CCSER1: variants seen among roughly 807,000 people sequenced by gnomAD.
CCSER1 encodes serine-rich coiled-coil domain-containing protein 1.
In CCSER1, 41 loss-of-function variants were observed where a neutral mutation model predicts 82.0. That is an observed-to-expected ratio of 0.50 (90% CI 0.39 to 0.65). The LOEUF is 0.65. Among genes scored for constraint, CCSER1 ranks in the 30% least tolerant of loss-of-function variants. The pLI, the probability that CCSER1 is intolerant of heterozygous loss-of-function variation, is 0.00. For synonymous variants in CCSER1, 414 were observed against 383.9 expected (o/e 1.08, Z -0.92); for missense variants, 1,119 against 1,064.2 (o/e 1.05, Z -0.72).
At chr4:90,781,658 G>A (rs1400711276) in intron 7 of CCSER1, 12 of 972,398 alleles carry the variant, frequency 1.2e-5, no homozygotes, top group African/African-American at 1.8e-5. Context: ...AGCTTTACAT[G>A]TATTAAGCAA....
chr4:90,372,820 C>T (rs542629348), intron 3 of CCSER1, among the ~76,000 whole-genome samples: 49 of 151,854 alleles, frequency 3.2e-4, no homozygotes, highest in African/African-American at 1.1e-3. Flanking sequence ...TGTCAATAGC[C>T]TGGGAATCAA....
chr4:90,507,791 T>C (rs948441023), intron 5 of CCSER1, among the ~76,000 whole-genome samples: 1 of 152,118 alleles, frequency 6.6e-6, no homozygotes, highest in African/African-American at 2.4e-5. Flanking sequence ...TTTCGATGAT[T>C]ACTTTGAATT....
rs559595059 is a variant in CCSER1 at position 91,260,499 on chromosome 4, C to G, written c.2217+174505C>G. Among the ~76,000 whole-genome samples, 5 of 152,282 alleles carry G rather than the reference C, an allele frequency of 3.3e-5. No homozygotes were observed. In the South Asian group the frequency reaches 1.0e-3, roughly 32 times the overall value. ...CCACTGTATAGATGAAGCAACCAAACCATAGACAGATTAGCTGGCAGACAC... is the reference window on the plus strand; with the variant it reads ...CCACTGTATAGATGAAGCAACCAAAGCATAGACAGATTAGCTGGCAGACAC... On this transcript the variant is annotated intron_variant, in intron 10 of 10. Transcript: ENST00000509176.
chr4:90,308,813 A>G lies in CCSER1; in HGVS notation c.529A>G (p.Thr177Ala), dbSNP rs1421177709. 2.5e-6 allele frequency: 4 copies of G among 1,613,712 alleles called. No individual in the cohort carries two copies. The highest frequency in any genetic ancestry group is 2.2e-5 in the East Asian group (1 of 44,886). Residue 177 changes from threonine to alanine, a missense_variant, in exon 2 of 11, where the codon ACA (threonine) becomes GCA (alanine). By Grantham distance (58) the Thr-to-Ala change is moderately conservative. Transcript: ENST00000509176. ...DQTRRSVKQS[T>A]RKLLPKSFSS... ...AACTCGTCGTTCTGTTAAGCAGTCA[A>G]CAAGGAAGCTACTCCCTAAATCTTT...
chr4:90,697,178 TGAA>T (rs1310672143), intron 6 of CCSER1, among the ~76,000 whole-genome samples: 7 of 152,294 alleles, frequency 4.6e-5, no homozygotes, highest in Admixed American at 1.3e-4. Flanking sequence ...GGATACATTT[TGAA>T]AATACAGATT....
intron 10 of CCSER1, among the ~76,000 whole-genome samples, chr4:91,255,692 A>T (rs1248511676): frequency 6.6e-6 from 1 of 152,202 alleles, no homozygotes; most frequent in Non-Finnish European, 1.5e-5. Context: ...TCTCCAAATT[A>T]ATACTTTTAT....
chr4:91,126,462 T>C (rs1727528050), intron 10 of CCSER1, among the ~76,000 whole-genome samples: 2 of 151,918 alleles, frequency 1.3e-5, no homozygotes, highest in Admixed American at 6.6e-5. Context: ...TTTCCAAATA[T>C]GTGTCAGTGT....
chr4:91,154,202 C>T (rs1581662243), intron 10 of CCSER1, among the ~76,000 whole-genome samples: 1 of 152,042 alleles, frequency 6.6e-6, no homozygotes, highest in Non-Finnish European at 1.5e-5. Flanking sequence ...ACTCAAGCCT[C>T]AGGTATGGCA....
chr4:90,150,710 C>A (rs1053281309), intron 1 of CCSER1, among the ~76,000 whole-genome samples: 2 of 152,000 alleles, frequency 1.3e-5, no homozygotes, highest in African/African-American at 2.4e-5. Context: ...AGAAGAAAAA[C>A]CAATGCTTTA....
At chr4:90,879,736 C>G (rs1340859820) in intron 8 of CCSER1, among the ~76,000 whole-genome samples, 1 of 152,096 alleles carries the variant, frequency 6.6e-6, no homozygotes, top group African/African-American at 2.4e-5. Flanking sequence ...TATTGGAGAA[C>G]TGGTGCAGTT....
chr4:90,791,282 TA>T (rs1475300398), intron 7 of CCSER1, among the ~76,000 whole-genome samples: 9 of 152,166 alleles, frequency 5.9e-5, no homozygotes, highest in African/African-American at 2.2e-4. Flanking sequence ...GAGATTTGGG[TA>T]GGGACACAGC....
intron 8 of CCSER1, among the ~76,000 whole-genome samples, chr4:90,917,490 A>G (rs116402225): frequency 0.012 from 1,896 of 152,206 alleles, 40 homozygotes; most frequent in African/African-American, 0.043. Flanking sequence ...CAGGAAGGGG[A>G]CATCACACAC....
intron 10 of CCSER1, among the ~76,000 whole-genome samples, chr4:91,445,577 C>T (rs572706155): frequency 3.3e-5 from 5 of 151,842 alleles, no homozygotes; most frequent in African/African-American, 7.2e-5. Context: ...CTGATGTATT[C>T]GTTATCATTC....
intron 10 of CCSER1, among the ~76,000 whole-genome samples, chr4:91,166,992 G>T (rs1215609516): frequency 6.6e-6 from 1 of 152,034 alleles, no homozygotes; most frequent in African/African-American, 2.4e-5. Context: ...TAATAAAATA[G>T]TGTTAAGAAT....
At chr4:91,076,965 A>T (rs1033326116) in intron 9 of CCSER1, among the ~76,000 whole-genome samples, 6 of 152,196 alleles carry the variant, frequency 3.9e-5, no homozygotes, top group African/African-American at 1.4e-4. Context: ...GAAATACACA[A>T]AGAGCTCTAG....
At chr4:90,495,724 T>A (rs1288459851) in intron 5 of CCSER1, among the ~76,000 whole-genome samples, 1 of 152,170 alleles carries the variant, frequency 6.6e-6, no homozygotes, top group Non-Finnish European at 1.5e-5. Flanking sequence ...ATAGCAGAGA[T>A]CATCATCTTC....
chr4:90,397,738 A>G (rs544377739), intron 3 of CCSER1, among the ~76,000 whole-genome samples: 126 of 152,308 alleles, frequency 8.3e-4, no homozygotes, highest in Non-Finnish European at 1.6e-3. Context: ...TTTGGCTCAT[A>G]TAAGAATCTG....
At chr4:90,539,336 A>G (rs1008211284) in intron 5 of CCSER1, among the ~76,000 whole-genome samples, 16 of 152,070 alleles carry the variant, frequency 1.1e-4, no homozygotes, top group Non-Finnish European at 1.5e-5. Context: ...GGATTCACTG[A>G]TGCAGCCTAA....
At chr4:90,902,723 G>T (rs569062885) in intron 8 of CCSER1, among the ~76,000 whole-genome samples, 7 of 152,152 alleles carry the variant, frequency 4.6e-5, no homozygotes, top group African/African-American at 1.7e-4. Context: ...CTGGCAGCAG[G>T]TTTTTAATTT....
Sources: gnomAD v4.1 joint callset for allele counts (sites outside exome capture counted in the v4.1 genomes callset) on GRCh38, gnomAD v4.1.1 for gene constraint, MANE v1.5 for transcripts, NCBI Gene and HGNC (gene_info 2026-07-23, HGNC 2026-07-21) for gene names.